The following RIPOR3 variants were observed in gnomAD, a reference collection of about 807,000 sequenced individuals.
The protein encoded by RIPOR3 is family with sequence similarity 65 member C.
In RIPOR3, 95 loss-of-function variants were observed where a neutral mutation model predicts 114.3. The observed-to-expected ratio is 0.83, with a 90% CI of 0.70 to 0.99. The LOEUF is 0.99. Among genes scored for constraint, RIPOR3 ranks in the 50% least tolerant of loss-of-function variants. RIPOR3 has a pLI of 0.00. For missense variants in RIPOR3, 1,252 were observed against 1,266.9 expected, an observed-to-expected ratio of 0.99 and a Z score of 0.18; for synonymous variants, 575 against 543.8, an observed-to-expected ratio of 1.06 and a Z score of -0.80.
At chr20:50,670,825 C>T (rs934749236) in intron 1 of RIPOR3, among the ~76,000 whole-genome samples, 6 of 152,176 alleles carry the variant, frequency 3.9e-5, no homozygotes, top group South Asian at 4.1e-4. Context: ...AAGTCAGATC[C>T]GACTGGGTTC....
intron 13 of RIPOR3, among the ~76,000 whole-genome samples, chr20:50,599,788 A>G (rs2083432943): frequency 6.6e-6 from 1 of 152,068 alleles, no homozygotes; most frequent in South Asian, 2.1e-4. Context: ...TCGAGTATTG[A>G]TTTGGGGGTT....
At chr20:50,608,874 G>T in intron 9 of RIPOR3, 38 bp downstream of exon 9, 1 of 1,601,146 alleles carries the variant, frequency 6.2e-7, no homozygotes. Context: ...AAGACCTGGC[G>T]GGGAGCCCTG....
At chr20:50,630,183 G>T (rs1215642185) in intron 2 of RIPOR3, among the ~76,000 whole-genome samples, 1 of 152,142 alleles carries the variant, frequency 6.6e-6, no homozygotes, top group African/African-American at 2.4e-5. Context: ...GGCCAGGGTG[G>T]TCTCCAACTT....
chr20:50,617,303 T>C (rs1376488070), intron 3 of RIPOR3, among the ~76,000 whole-genome samples: 1 of 152,190 alleles, frequency 6.6e-6, no homozygotes, highest in African/African-American at 2.4e-5. Context: ...TGCTACTCAC[T>C]GAGGTATTGA....
chr20:50,657,581 T>C (rs1254505345), intron 1 of RIPOR3, among the ~76,000 whole-genome samples: 1 of 152,030 alleles, frequency 6.6e-6, no homozygotes, highest in Non-Finnish European at 1.5e-5. Flanking sequence ...CCCAGCTGCA[T>C]TGAGGATTAT....
chr20:50,592,606 G>T lies in RIPOR3; in HGVS notation c.2375-60C>A, dbSNP rs565982251. 28 of 1,372,978 alleles carry T rather than the reference G, an allele frequency of 2.0e-5. No homozygotes were observed. The African/African-American group carries it at 3.8e-4, about 19-fold the overall frequency. 85.0% of individuals were successfully genotyped at this position (1,372,978 alleles called of 1,614,324 possible). A position where few individuals can be genotyped will look rare whatever the true frequency, so the allele number is the denominator to read the frequency against. ...TGAATGGGAGTTTGGCAGGACAGCT[G>T]CAAGTTTGCTTGGCTGCTGCCAGTA... is the stretch of plus-strand genomic sequence containing the variant. On this transcript the variant is annotated intron_variant, in intron 18 of 21. Coordinates refer to ENST00000327979, the MANE Select transcript of RIPOR3 (RefSeq NM_001290268.2).
chr20:50,636,864 G>A, intron 1 of RIPOR3: 1 of 985,456 alleles, frequency 1.0e-6, no homozygotes, highest in African/African-American at 1.7e-5. Context: ...ACCTCATTTA[G>A]AGGTAAAACA....
chr20:50,656,584 C>T (rs1216126630), intron 1 of RIPOR3, among the ~76,000 whole-genome samples: 1 of 152,026 alleles, frequency 6.6e-6, no homozygotes, highest in East Asian at 1.9e-4. Flanking sequence ...TGGCCTCAAA[C>T]TCCTGTCTGT....
At chr20:50,664,715 G>C (rs2086121693) in intron 1 of RIPOR3, among the ~76,000 whole-genome samples, 1 of 152,118 alleles carries the variant, frequency 6.6e-6, no homozygotes, top group Non-Finnish European at 1.5e-5. Flanking sequence ...GGTTGCTTTG[G>C]GTATAGTGTT....
chr20:50,603,753 G>A (rs1469882362), intron 12 of RIPOR3, among the ~76,000 whole-genome samples: 1 of 152,204 alleles, frequency 6.6e-6, no homozygotes, highest in Non-Finnish European at 1.5e-5. Flanking sequence ...GTGTGAATCT[G>A]GGTACACGGA....
chr20:50,671,528 T>C (rs6096057), intron 1 of RIPOR3, among the ~76,000 whole-genome samples: 124,970 of 152,164 alleles, frequency 0.82, 52,050 homozygotes, highest in East Asian at 0.96. Flanking sequence ...TAGAAAAGAA[T>C]TGAAATCAGC....
intron 1 of RIPOR3, chr20:50,645,976 T>C (rs1293602308): frequency 6.6e-6 from 1 of 152,252 alleles, no homozygotes; most frequent in Non-Finnish European, 1.5e-5. Context: ...TTCATCCTGG[T>C]GCCTATTGGA....
intron 3 of RIPOR3, among the ~76,000 whole-genome samples, chr20:50,619,196 C>G (rs1377605993): frequency 4.6e-5 from 7 of 152,090 alleles, no homozygotes; most frequent in African/African-American, 1.7e-4. Context: ...CGCTTGAACC[C>G]AGGAGGCGGA....
intron 1 of RIPOR3, among the ~76,000 whole-genome samples, chr20:50,686,594 C>A (rs2087033666): frequency 6.6e-6 from 1 of 151,680 alleles, no homozygotes; most frequent in Non-Finnish European, 1.5e-5. Flanking sequence ...ACTAAAAATA[C>A]AACAATTAGC....
chr20:50,650,367 A>G (rs890322495), intron 1 of RIPOR3, among the ~76,000 whole-genome samples: 1 of 152,182 alleles, frequency 6.6e-6, no homozygotes, highest in East Asian at 1.9e-4. Flanking sequence ...CAGTGGCGCA[A>G]TCTCTGCTCA....
At chr20:50,600,531 C>T (rs551275993) in intron 13 of RIPOR3, among the ~76,000 whole-genome samples, 29 of 152,118 alleles carry the variant, frequency 1.9e-4, no homozygotes, top group African/African-American at 6.5e-4. Flanking sequence ...GGCTGAGGCA[C>T]GAGGATTGCA....
chr20:50,587,339 T>A lies in RIPOR3; in HGVS notation c.2753-7A>T. The stretch of plus-strand genomic sequence containing the variant: ...GCTAACCGTCCTTTTTCACCTGAAA[T>A]AGCAAAGGGACCTGTCAGCGGGTTG... On this transcript the variant is annotated splice_region_variant and splice_polypyrimidine_tract_variant and intron_variant, in intron 21 of 21. Coordinates refer to ENST00000327979, the MANE Select transcript of RIPOR3 (RefSeq NM_001290268.2). 1 of 1,612,886 alleles carries A rather than the reference T, an allele frequency of 6.2e-7. No individual in the cohort carries two copies. The highest frequency in any genetic ancestry group is 8.5e-7 in the Non-Finnish European group (1 of 1,179,244).
intron 4 of RIPOR3, among the ~76,000 whole-genome samples, chr20:50,613,865 T>C (rs1240836934): frequency 2.0e-5 from 3 of 152,052 alleles, no homozygotes; most frequent in African/African-American, 7.2e-5. Context: ...CGCCCAACTG[T>C]CCACTAAGGG....
In RIPOR3 at chr20:50,618,084, T is replaced by G. The variant is rs1320031266; in HGVS notation, c.269+1902A>C. Among the ~76,000 whole-genome samples the G allele has an allele frequency of 5.9e-5, 9 of 151,552 alleles. No individual in the cohort carries two copies. The East Asian group carries it at 1.6e-3, about 26-fold the overall frequency. Reference sequence around the variant, plus strand: ...TTCAAGACCATCCTGACCAATATGGTGAAACCACGTTCTATTAAAAATACA... The same window carrying G: ...TTCAAGACCATCCTGACCAATATGGGGAAACCACGTTCTATTAAAAATACA... On this transcript the variant is annotated intron_variant, in intron 3 of 21. Transcript: ENST00000327979.
Sources: gnomAD v4.1 joint callset for allele counts (sites outside exome capture counted in the v4.1 genomes callset) on GRCh38, gnomAD v4.1.1 for gene constraint, MANE v1.5 for transcripts, NCBI Gene and HGNC (gene_info 2026-07-23, HGNC 2026-07-21) for gene names.